The following MYO9B variants were observed in gnomAD, a reference collection of about 807,000 sequenced individuals.
MYO9B encodes unconventional myosin-IXb.
MYO9B carries 71 observed loss-of-function variants against 229.5 expected under a neutral mutation model. The observed-to-expected ratio is 0.31, with a 90% CI of 0.26 to 0.38. The LOEUF (loss-of-function observed/expected upper bound fraction) is 0.38, where lower values mean the gene tolerates loss of function less well. Ranked by LOEUF, MYO9B falls within the 10% of genes least tolerant of loss-of-function variation. The pLI, the probability that MYO9B is intolerant of heterozygous loss-of-function variation, is 1.00. For missense variants in MYO9B, 2,255 were observed against 2,920.5 expected, an observed-to-expected ratio of 0.77 and a Z score of 5.25; for synonymous variants, 1,185 against 1,235.8, an observed-to-expected ratio of 0.96 and a Z score of 0.86.
At chr19:17,091,112 A>G (rs1279393432) in intron 1 of MYO9B, among the ~76,000 whole-genome samples, 1 of 152,230 alleles carries the variant, frequency 6.6e-6, no homozygotes, top group Non-Finnish European at 1.5e-5. Flanking sequence ...CATGTATAAA[A>G]TAACGCCATG....
chr19:17,080,736 G>A (rs1193538546), intron 1 of MYO9B, among the ~76,000 whole-genome samples: 2 of 152,072 alleles, frequency 1.3e-5, no homozygotes, highest in African/African-American at 2.4e-5. Flanking sequence ...AGACATGATG[G>A]TGAATGCCTG....
At chr19:17,153,850 T>C in intron 4 of MYO9B, 117 bp from the exon 5 acceptor site, 1 of 751,686 alleles carries the variant, frequency 1.3e-6, no homozygotes, top group Non-Finnish European at 2.4e-6. Context: ...TGACGTACTG[T>C]TTTAAATTTG....
chr19:17,167,222 G>T (rs113792995), intron 10 of MYO9B, among the ~76,000 whole-genome samples: 1,684 of 143,682 alleles, frequency 0.012, 10 homozygotes, highest in Non-Finnish European at 0.018. Context: ...TTTTTGAGAT[G>T]GAGTCTTGCT....
At chr19:17,210,507 G>A (rs2073214951) in intron 37 of MYO9B, 127 bp downstream of exon 37, 3 of 1,306,184 alleles carry the variant, frequency 2.3e-6, no homozygotes, top group South Asian at 1.5e-5. Context: ...GTGCATGCTG[G>A]GGAGGCCCCT....
intron 2 of MYO9B, among the ~76,000 whole-genome samples, chr19:17,112,296 G>T (rs1236436143): frequency 5.9e-5 from 9 of 152,180 alleles, no homozygotes. Context: ...GGGACCAGGA[G>T]CCGGGGTGGG....
chr19:17,170,034 G>C (rs1484497028), intron 11 of MYO9B, among the ~76,000 whole-genome samples: 1 of 151,228 alleles, frequency 6.6e-6, no homozygotes, highest in African/African-American at 2.4e-5. Context: ...GTAGAGATGG[G>C]GTTTTTTCAC....
At chr19:17,093,858 A>AATTTATTT (rs202021707) in intron 1 of MYO9B, among the ~76,000 whole-genome samples, 13,602 of 145,576 alleles carry the variant, frequency 0.093, 740 homozygotes, top group Non-Finnish European at 0.12. Context: ...ATGCCCAGCT[A>AATTTATTT]ATTTATTTAT....
At chr19:17,081,410 C>T (rs1010968491) in intron 1 of MYO9B, among the ~76,000 whole-genome samples, 2 of 152,186 alleles carry the variant, frequency 1.3e-5, no homozygotes, top group Admixed American at 1.3e-4. Flanking sequence ...TCTCTTCTCA[C>T]TCCTTTAAAT....
chr19:17,084,709 C>CAAAAAAAAAA (rs903470342), intron 1 of MYO9B, among the ~76,000 whole-genome samples: 4 of 81,278 alleles, frequency 4.9e-5, no homozygotes, highest in Non-Finnish European at 8.1e-5. Context: ...ACTAAAAATA[C>CAAAAAAAAAA]AAAAAAAAAA....
chr19:17,185,560 C>A (rs577892668), intron 17 of MYO9B, among the ~76,000 whole-genome samples: 6,666 of 147,848 alleles, frequency 0.045, 566 homozygotes, highest in African/African-American at 0.16. Flanking sequence ...AAAAAAAAAA[C>A]AAAACAAAAC....
chr19:17,153,383 T>TAA (rs1355105741), intron 4 of MYO9B, among the ~76,000 whole-genome samples: 21 of 119,354 alleles, frequency 1.8e-4, no homozygotes, highest in Non-Finnish European at 3.2e-4. Context: ...CTTGTCTCTT[T>TAA]TAAAAAAAAA....
At position 17,172,493 on chromosome 19, in the gene MYO9B, T is replaced by C. The variant is rs2279008; in HGVS notation, c.1935+16T>C. 402,472 of 1,610,968 alleles carry C rather than the reference T, an allele frequency of 0.25. 52,018 individuals are homozygous for C. The highest frequency in any genetic ancestry group is 0.35 in the East Asian group (15,509 of 44,790). ...TCAGATCAAGGTAGGTGTCTGCCCA[T>C]CACCACTGGTGGAAGCCTGAGGGAA... is the stretch of plus-strand genomic sequence containing the variant. On this transcript the variant is annotated intron_variant, in intron 12 of 39. Transcript: ENST00000682292. This position sits in a 1 kb window ranked among gnomAD's most constrained non-coding sequence, Gnocchi z 8.2.
At chr19:17,198,096 A>G in intron 23 of MYO9B, 88 bp from the exon 24 acceptor site, 1 of 1,536,382 alleles carries the variant, frequency 6.5e-7, no homozygotes, top group East Asian at 2.3e-5. Flanking sequence ...AGGTCGGTGG[A>G]TGGAGTGTAA....
At chr19:17,183,721 T>G in intron 15 of MYO9B, 108 bp from the exon 16 acceptor site, 1 of 904,316 alleles carries the variant, frequency 1.1e-6, no homozygotes, top group Non-Finnish European at 1.7e-6. Flanking sequence ...CTCTCTCCCC[T>G]CTCTCTGTGT....
chr19:17,100,363 C>T (rs918743381), intron 1 of MYO9B, among the ~76,000 whole-genome samples: 1 of 152,100 alleles, frequency 6.6e-6, no homozygotes, highest in African/African-American at 2.4e-5. Flanking sequence ...GTCCCAGCTA[C>T]TCAGGAGGCT....
chr19:17,119,631 T>TTTTG (rs544645191), intron 2 of MYO9B, among the ~76,000 whole-genome samples: 14 of 146,732 alleles, frequency 9.5e-5, no homozygotes, highest in African/African-American at 3.0e-4. Flanking sequence ...CTCAGGAGTT[T>TTTTG]TTTGTTTGTT....
intron 14 of MYO9B, chr19:17,178,401 G>T: frequency 6.7e-6 from 1 of 149,982 alleles, no homozygotes; most frequent in South Asian, 2.0e-4. Context: ...CCAGGAGTTT[G>T]AAACCAGCCT....
chr19:17,146,698 G>T (rs778395915), intron 3 of MYO9B, among the ~76,000 whole-genome samples: 5 of 152,148 alleles, frequency 3.3e-5, no homozygotes, highest in Non-Finnish European at 5.9e-5. Flanking sequence ...CGAATGGATA[G>T]ATTCATGGGT....
At chr19:17,116,865 A>G (rs542337884) in intron 2 of MYO9B, among the ~76,000 whole-genome samples, 1 of 152,258 alleles carries the variant, frequency 6.6e-6, no homozygotes, top group Non-Finnish European at 1.5e-5. Flanking sequence ...CCAAATCCCC[A>G]GGTACTCCCT....
Sources: gnomAD v4.1 joint callset for allele counts (sites outside exome capture counted in the v4.1 genomes callset) on GRCh38, gnomAD v4.1.1 for gene constraint, Gnocchi (gnomAD v3.1) non-coding constraint, MANE v1.5 for transcripts, NCBI Gene and HGNC (gene_info 2026-07-23, HGNC 2026-07-21) for gene names.